PLXNA4: variants seen among roughly 807,000 people sequenced by gnomAD.
PLXNA4 encodes the protein plexin A4.
Under a neutral mutation model 191.8 loss-of-function variants are expected in PLXNA4, and 44 were observed. That is an observed-to-expected ratio of 0.23 (90% CI 0.18 to 0.29). The LOEUF (loss-of-function observed/expected upper bound fraction) is 0.29, where lower values mean the gene tolerates loss of function less well. PLXNA4 is among the 10% of genes least tolerant of loss of function. The pLI is 1.00. For synonymous variants in PLXNA4, 1,082 were observed against 1,009.5 expected (o/e 1.07, Z -1.36); for missense variants, 1,800 against 2,488.8 (o/e 0.72, Z 5.89).
chr7:132,615,900 C>G (rs1803144289), intron 2 of PLXNA4, among the ~76,000 whole-genome samples: 1 of 132,850 alleles, frequency 7.5e-6, no homozygotes, highest in Admixed American at 7.9e-5. Context: ...CCTCTGGAGA[C>G]TTAACACACT....
At chr7:132,228,270 G>A (rs1234630358) in intron 6 of PLXNA4, 76 bp downstream of exon 6, 2 of 1,588,484 alleles carry the variant, frequency 1.3e-6, no homozygotes, top group African/African-American at 2.7e-5. Flanking sequence ...GAGGGGCCTT[G>A]GGCTAAGGCA....
chr7:132,562,559 TTCC>T (rs1172723258), intron 1 of PLXNA4, among the ~76,000 whole-genome samples: 15 of 60,542 alleles, frequency 2.5e-4, no homozygotes, highest in Admixed American at 1.1e-3. Context: ...CCTCCTTCTC[TTCC>T]TCCTTTCTCC....
chr7:132,402,970 G>C (rs1585087936), intron 3 of PLXNA4, among the ~76,000 whole-genome samples: 1 of 152,320 alleles, frequency 6.6e-6, no homozygotes, highest in African/African-American at 2.4e-5. Context: ...CCGCCACCAT[G>C]CAAATGCGTA....
intron 16 of PLXNA4, 83 bp downstream of exon 16, chr7:132,185,216 C>T (rs1156530793): frequency 1.3e-6 from 2 of 1,513,422 alleles, no homozygotes; most frequent in East Asian, 4.7e-5. Flanking sequence ...GACTGGGCCC[C>T]CAGAACTCTC....
chr7:132,470,263 A>AG (rs979562238), intron 3 of PLXNA4, among the ~76,000 whole-genome samples: 5 of 152,160 alleles, frequency 3.3e-5, no homozygotes, highest in African/African-American at 4.8e-5. Context: ...CTCAGAAACA[A>AG]GGGGGGGCCT....
chr7:132,284,081 G>A (rs1347242397), intron 4 of PLXNA4, among the ~76,000 whole-genome samples: 2 of 152,190 alleles, frequency 1.3e-5, no homozygotes, highest in East Asian at 3.9e-4. Context: ...GCTGAGGTGG[G>A]AGGATCATCT....
chr7:132,134,891 C>T (rs281873), intron 30 of PLXNA4, among the ~76,000 whole-genome samples: 8,017 of 152,236 alleles, frequency 0.053, 690 homozygotes, highest in African/African-American at 0.18. Context: ...CCAGAAGAGC[C>T]TGTTCTCTTC....
At chr7:132,175,369 G>A (rs1266905016) in intron 20 of PLXNA4, among the ~76,000 whole-genome samples, 1 of 152,138 alleles carries the variant, frequency 6.6e-6, no homozygotes, top group East Asian at 1.9e-4. Context: ...CTTATAAGAT[G>A]TTAAGAAAAA....
intron 1 of PLXNA4, among the ~76,000 whole-genome samples, chr7:132,563,455 TCC>T (rs1461875239): frequency 1.0e-5 from 1 of 99,674 alleles, no homozygotes; most frequent in African/African-American, 3.9e-5. Context: ...CTCCTCCTCC[TCC>T]TTCTCCTCCT....
intron 2 of PLXNA4, among the ~76,000 whole-genome samples, chr7:132,496,647 A>G (rs1798023943): frequency 6.6e-6 from 1 of 152,172 alleles, no homozygotes; most frequent in African/African-American, 2.4e-5. Flanking sequence ...TGATCCGTCC[A>G]CCTTGGCCTC....
At chr7:132,385,598 C>G (rs965217268) in intron 3 of PLXNA4, among the ~76,000 whole-genome samples, 1 of 152,240 alleles carries the variant, frequency 6.6e-6, no homozygotes, top group African/African-American at 2.4e-5. Context: ...GTGTCTTAGA[C>G]AGCAAGGGGA....
chr7:132,625,165 G>A (rs150609505), intron 2 of PLXNA4, among the ~76,000 whole-genome samples: 124 of 152,176 alleles, frequency 8.1e-4, no homozygotes, highest in African/African-American at 2.8e-3. Context: ...TAAACCCTCC[G>A]ACGGGGTACA....
intron 3 of PLXNA4, among the ~76,000 whole-genome samples, chr7:132,408,790 G>C (rs758583468): frequency 6.6e-6 from 1 of 151,990 alleles, no homozygotes; most frequent in Non-Finnish European, 1.5e-5. Flanking sequence ...TATAAAAGGA[G>C]GTCCAGTCAC....
At chr7:132,146,418 C>T (rs1196431991) in intron 28 of PLXNA4, 92 bp downstream of exon 28, 9 of 1,605,180 alleles carry the variant, frequency 5.6e-6, no homozygotes, top group South Asian at 1.1e-5. Context: ...AGCATGAATG[C>T]TGGGTACTGG....
At chr7:132,291,930 G>T (rs1384446195) in intron 4 of PLXNA4, among the ~76,000 whole-genome samples, 1 of 152,196 alleles carries the variant, frequency 6.6e-6, no homozygotes, top group African/African-American at 2.4e-5. Context: ...GAGTGGTTGG[G>T]ATTACAGGTG....
intron 3 of PLXNA4, among the ~76,000 whole-genome samples, chr7:132,465,732 G>A (rs1796676014): frequency 6.6e-6 from 1 of 152,162 alleles, no homozygotes; most frequent in Non-Finnish European, 1.5e-5. Context: ...AGTGAGCAAT[G>A]TGTTATCACA....
Position 132,146,603 on chromosome 7 carries a change from T to G in PLXNA4, c.4962A>C (p.Leu1654=), listed in dbSNP as rs371494466. The change falls in exon 28 of 32, where the codon CTA becomes CTC. Residue 1654 remains leucine (L), a synonymous_variant. Transcript: ENST00000321063. ...DLESGVKMWH[L]VKNHEHGDQK... ...GGTCTCCGTGCTCGTGGTTCTTCAC[T>G]AGGTGCCACATCTTGACTCCACTCT... 5.0e-6 allele frequency: 8 copies of G among 1,614,074 alleles called. No homozygotes were observed. In the African/African-American group the frequency reaches 9.3e-5, roughly 19 times the overall value.
At chr7:132,149,750 C>G (rs893177872) in intron 25 of PLXNA4, among the ~76,000 whole-genome samples, 1 of 152,190 alleles carries the variant, frequency 6.6e-6, no homozygotes, top group Non-Finnish European at 1.5e-5. Flanking sequence ...ATTAAGTGGC[C>G]TGGCAGTCAC....
intron 3 of PLXNA4, among the ~76,000 whole-genome samples, chr7:132,411,788 C>T (rs899369011): frequency 3.3e-5 from 5 of 152,240 alleles, no homozygotes; most frequent in Non-Finnish European, 2.9e-5. Context: ...TGCATTTCCA[C>T]ACCACAGACT....
Sources: gnomAD v4.1 joint callset for allele counts (sites outside exome capture counted in the v4.1 genomes callset) on GRCh38, gnomAD v4.1.1 for gene constraint, MANE v1.5 for transcripts, NCBI Gene and HGNC (gene_info 2026-07-23, HGNC 2026-07-21) for gene names.